The following PRDM10 variants were observed in gnomAD, a reference collection of about 807,000 sequenced individuals.
PRDM10 encodes PR domain zinc finger protein 10.
Under a neutral mutation model 133.1 loss-of-function variants are expected in PRDM10, and 65 were observed. The ratio of observed to expected loss-of-function variants is 0.49; its 90% confidence interval spans 0.40 to 0.60. The LOEUF is 0.60. Among genes scored for constraint, PRDM10 ranks in the 20% least tolerant of loss-of-function variants. PRDM10 has a pLI of 0.00. For missense variants in PRDM10, 1,137 were observed against 1,507.1 expected, an observed-to-expected ratio of 0.75 and a Z score of 4.07; for synonymous variants, 582 against 580.4, an observed-to-expected ratio of 1.00 and a Z score of -0.04.
intron 1 of PRDM10, among the ~76,000 whole-genome samples, chr11:129,963,408 A>T: frequency 7.5e-6 from 1 of 133,852 alleles, no homozygotes; most frequent in South Asian, 2.4e-4. Context: ...AGAGAAGAGA[A>T]GAGAAGAGAA....
rs1226502918 is a variant in PRDM10, at chr11:129,901,476, T to A, written c.*837A>T. 23 of 152,248 alleles carry A rather than the reference T, an allele frequency of 1.5e-4. No homozygotes were observed. Among genetic ancestry groups the A allele is most frequent in the Admixed American group, 1.5e-3 (23 of 15,290 alleles). 9.4% of individuals were successfully genotyped at this position (152,248 alleles called of 1,614,324 possible). On this transcript the variant is annotated 3_prime_UTR_variant, in exon 21 of 21. Coordinates refer to ENST00000360871, the MANE Select transcript of PRDM10 (RefSeq NM_199437.2). Reference sequence around the variant, plus strand: ...CTTTCTCTCTCTCTCTCTCAATAGTTTTGGAAATTTTTCTTGGTACCAATA... The same window carrying A: ...CTTTCTCTCTCTCTCTCTCAATAGTATTGGAAATTTTTCTTGGTACCAATA...
chr11:129,932,342 T>C, intron 9 of PRDM10, 111 bp from the exon 10 acceptor site: 1 of 1,332,702 alleles, frequency 7.5e-7, no homozygotes, highest in Non-Finnish European at 1.0e-6. Flanking sequence ...CTCACCTTAT[T>C]ACTTTCCCAG....
chr11:129,902,223 A>T lies in PRDM10; in HGVS notation c.*90T>A. ...TTTCCGAACTCTTGAGTGAATAATA[A>T]ATCTTACAAAAGAGCTCTACGTGTC... On this transcript the variant is annotated 3_prime_UTR_variant, in exon 21 of 21. Coordinates refer to ENST00000360871, the MANE Select transcript of PRDM10 (RefSeq NM_199437.2). 6.8e-7 allele frequency: 1 copy of T among 1,471,530 alleles called. No homozygotes were observed. Among genetic ancestry groups the T allele is most frequent in the Non-Finnish European group, 9.2e-7 (1 of 1,086,444 alleles). 91.2% of individuals were successfully genotyped at this position (1,471,530 alleles called of 1,614,324 possible).
rs772208700 is a variant in PRDM10 at position 129,924,977 on chromosome 11, G to A, written c.1783C>T (p.Arg595Cys). Reference protein sequence around the residue: ...SCIFCPESFDRLDLLKDHVAI... With the variant: ...SCIFCPESFDCLDLLKDHVAI... ...ACATGATCTTTCAACAAATCAAGGC[G>A]GTCAAAGGATTCTGGGCAAAAAATG... is the stretch of plus-strand genomic sequence containing the variant. The change falls in exon 12 of 21, where the codon CGC (arginine) becomes TGC (cysteine). Residue 595 changes from arginine (R) to cysteine (C), a missense_variant. Physicochemically the swap from Arg to Cys is radical, Grantham distance 180. This residue lies in a region of PRDM10 where 635 missense variants were observed against 835.2 expected (regional missense o/e 0.76). Coordinates refer to ENST00000360871, the MANE Select transcript of PRDM10 (RefSeq NM_199437.2). 1.4e-5 allele frequency: 22 copies of A among 1,614,028 alleles called. No individual in the cohort carries two copies. The highest frequency in any genetic ancestry group is 2.2e-5 in the South Asian group (2 of 91,078).
intron 1 of PRDM10, among the ~76,000 whole-genome samples, chr11:129,979,852 T>A (rs1938006419): frequency 6.6e-6 from 1 of 152,222 alleles, no homozygotes; most frequent in South Asian, 2.1e-4. Flanking sequence ...CCCCAGGAGA[T>A]CACCTGGAGC....
chr11:129,937,826 A>G (rs1172915129), intron 7 of PRDM10, among the ~76,000 whole-genome samples, 156 bp from the exon 8 acceptor site: 1 of 152,194 alleles, frequency 6.6e-6, no homozygotes, highest in Non-Finnish European at 1.5e-5. Context: ...CCCTTGCAAT[A>G]CCTTTCCAGC....
chr11:129,982,287 C>T (rs926227342), intron 1 of PRDM10, among the ~76,000 whole-genome samples: 13 of 150,660 alleles, frequency 8.6e-5, no homozygotes, highest in Non-Finnish European at 1.5e-4. Flanking sequence ...TGTGTGTGCG[C>T]GCGTGTGTGT....
chr11:129,947,060 G>T lies in PRDM10; in HGVS notation c.520+85C>A. ...TGCACACGGAAGGACCTGACGCACG[G>T]GAGCTATGTTCACACACACGCACAC... On this transcript the variant is annotated intron_variant, in intron 5 of 20. Coordinates refer to ENST00000360871, the MANE Select transcript of PRDM10 (RefSeq NM_199437.2). The surrounding 1 kb of genome is among the most constrained non-coding windows in gnomAD (Gnocchi z 4.6). The T allele has an allele frequency of 6.5e-7, 1 of 1,538,580 alleles. No individual in the cohort carries two copies.
intron 4 of PRDM10, among the ~76,000 whole-genome samples, chr11:129,951,048 T>C (rs768105691): frequency 6.6e-6 from 1 of 152,190 alleles, no homozygotes; most frequent in East Asian, 1.9e-4. Context: ...ACCAGAAACA[T>C]GCAAACTGCT....
At position 129,925,030 on chromosome 11, in the gene PRDM10, A is replaced by C. The variant is rs931315453; in HGVS notation, c.1730T>G (p.Leu577Arg). 7.4e-6 allele frequency: 12 copies of C among 1,614,200 alleles called. No individual in the cohort carries two copies. Among genetic ancestry groups the C allele is most frequent in the Non-Finnish European group, 1.0e-5 (12 of 1,180,038 alleles). ...AGAGTAAGTCTTCTGGTCTGAGTGGAGCTTCATGTGGCTCTCCAAGGATGT... is the reference window on the plus strand; with the variant it reads ...AGAGTAAGTCTTCTGGTCTGAGTGGCGCTTCATGTGGCTCTCCAAGGATGT... ...SSTSLESHMK[L>R]HSDQKTYSCI... Residue 577 changes from leucine (L) to arginine (R), a missense_variant, in exon 12 of 21, where the codon CTC becomes CGC. Physicochemically the swap from Leu to Arg is moderately radical, Grantham distance 102 (BLOSUM62 -2). Around this residue, in one of 6 missense-constraint regions of PRDM10, gnomAD observed 635 missense variants for 835.2 expected, o/e 0.76. Transcript: ENST00000360871.
chr11:129,999,811 G>A (rs954786624), intron 1 of PRDM10, among the ~76,000 whole-genome samples: 2 of 152,010 alleles, frequency 1.3e-5, no homozygotes, highest in African/African-American at 2.4e-5. Flanking sequence ...TTAGTTCGGC[G>A]GACTTCATGA....
chr11:129,959,444 C>T (rs1355363804), intron 2 of PRDM10, among the ~76,000 whole-genome samples: 1 of 152,118 alleles, frequency 6.6e-6, no homozygotes, highest in Non-Finnish European at 1.5e-5. Flanking sequence ...GACAAGCTAT[C>T]CAAGCTTTTC....
intron 17 of PRDM10, among the ~76,000 whole-genome samples, chr11:129,912,530 T>C (rs1451026108): frequency 1.3e-5 from 2 of 152,016 alleles, no homozygotes; most frequent in African/African-American, 2.4e-5. Context: ...GGCGGGTGGA[T>C]CACGAGGTCA....
At chr11:129,903,300 A>AAATAATAATAATAATAATAAT (rs55765531) in intron 20 of PRDM10, among the ~76,000 whole-genome samples, 36 of 138,000 alleles carry the variant, frequency 2.6e-4, no homozygotes, top group South Asian at 7.1e-4. Context: ...CTCCGTCTCA[A>AAATAATAATAATAATAATAAT]AATAATAATA....
chr11:129,991,650 C>A (rs1375703894), intron 1 of PRDM10, among the ~76,000 whole-genome samples: 1 of 152,126 alleles, frequency 6.6e-6, no homozygotes, highest in African/African-American at 2.4e-5. Flanking sequence ...GAAACCCCAT[C>A]TCTGCTAAAA....
At chr11:129,911,693 C>G (rs1218750223) in intron 18 of PRDM10, among the ~76,000 whole-genome samples, 1 of 152,224 alleles carries the variant, frequency 6.6e-6, no homozygotes, top group African/African-American at 2.4e-5. Flanking sequence ...TAATCTCTCC[C>G]TCTCTGAACT....
rs531116990 is a variant in PRDM10 at position 129,972,375 on chromosome 11, G to A, written c.-118-11293C>T. Among the ~76,000 whole-genome samples, 4 of 152,350 alleles carry A rather than the reference G, an allele frequency of 2.6e-5. No individual in the cohort carries two copies. The East Asian group carries it at 7.7e-4, about 29-fold the overall frequency. On this transcript the variant is annotated intron_variant, in intron 1 of 20. Transcript: ENST00000360871. ...GGGCTCTGGGGACTGCCAGCACGCTGTCACCTCTCAAAATGACTGGCAACA... is the reference window on the plus strand; with the variant it reads ...GGGCTCTGGGGACTGCCAGCACGCTATCACCTCTCAAAATGACTGGCAACA...
chr11:129,930,927 A>T (rs950425381), intron 11 of PRDM10, 89 bp downstream of exon 11: 76 of 1,482,296 alleles, frequency 5.1e-5, no homozygotes, highest in Non-Finnish European at 6.6e-5. Context: ...TCAGAGAGGA[A>T]GGTGAATAGG....
At chr11:129,975,142 C>G (rs1192338174) in intron 1 of PRDM10, among the ~76,000 whole-genome samples, 1 of 152,110 alleles carries the variant, frequency 6.6e-6, no homozygotes, top group Non-Finnish European at 1.5e-5. Flanking sequence ...AAATTTTACA[C>G]TAGGCCGGGC....
Sources: gnomAD v4.1 joint callset for allele counts (sites outside exome capture counted in the v4.1 genomes callset) on GRCh38, gnomAD v4.1.1 for gene constraint, gnomAD v4.1.1 regional missense constraint, Gnocchi (gnomAD v3.1) non-coding constraint, MANE v1.5 for transcripts, NCBI Gene and HGNC (gene_info 2026-07-23, HGNC 2026-07-21) for gene names.